SNAPC3: variants seen among roughly 807,000 people sequenced by gnomAD.
The protein encoded by SNAPC3 is snRNA-activating protein complex subunit 3.
Under a neutral mutation model 47.7 loss-of-function variants are expected in SNAPC3, and 56 were observed. That is an observed-to-expected ratio of 1.18 (90% confidence interval 0.95 to 1.47). The LOEUF (loss-of-function observed/expected upper bound fraction) is 1.47, where lower values mean the gene tolerates loss of function less well. Ranked by LOEUF, SNAPC3 falls within the 40% of genes most tolerant of loss-of-function variation. The pLI is 0.00. For missense variants in SNAPC3, 665 were observed against 511.3 expected, an observed-to-expected ratio of 1.30 and a Z score of -2.90; for synonymous variants, 235 against 189.9, an observed-to-expected ratio of 1.24 and a Z score of -1.95.
rs886976260 is a variant in SNAPC3, at chr9:15,442,701, A to G, written c.478-1901A>G. Among the ~76,000 whole-genome samples the G allele has an allele frequency of 5.3e-5, 8 of 151,584 alleles. No individual in the cohort carries two copies. In the East Asian group the frequency reaches 9.8e-4, roughly 19 times the overall value. Reference sequence around the variant, plus strand: ...CACTTCCCAGACTGGGCAGCCAGGCAGAGGGGCTCCTCACATCCCAGACGA... The same window carrying G: ...CACTTCCCAGACTGGGCAGCCAGGCGGAGGGGCTCCTCACATCCCAGACGA... On this transcript the variant is annotated intron_variant, in intron 3 of 8. Coordinates refer to ENST00000380821, the MANE Select transcript of SNAPC3 (RefSeq NM_001039697.2).
intron 7 of SNAPC3, among the ~76,000 whole-genome samples, chr9:15,455,491 C>T (rs942394525): frequency 1.3e-5 from 2 of 151,960 alleles, no homozygotes; most frequent in African/African-American, 2.4e-5. Flanking sequence ...CACTTGAACC[C>T]GGGAAGCGGA....
At chr9:15,447,810 C>CAAT (rs1395043871) in intron 5 of SNAPC3, among the ~76,000 whole-genome samples, 2 of 152,154 alleles carry the variant, frequency 1.3e-5, no homozygotes, top group East Asian at 3.8e-4. Flanking sequence ...GCCCAAGGAC[C>CAAT]AATACCCAAC....
At chr9:15,432,772 T>C (rs2032328982) in intron 2 of SNAPC3, among the ~76,000 whole-genome samples, 2 of 152,152 alleles carry the variant, frequency 1.3e-5, no homozygotes, top group African/African-American at 4.8e-5. Flanking sequence ...TGAATAAATG[T>C]AGAAGAAAGT....
intron 6 of SNAPC3, among the ~76,000 whole-genome samples, chr9:15,452,196 CAAGT>C (rs1262863661): frequency 3.9e-5 from 6 of 152,086 alleles, no homozygotes; most frequent in Non-Finnish European, 8.8e-5. Flanking sequence ...CTCCTGGCCT[CAAGT>C]AAGCCGACTG....
chr9:15,441,221 T>A (rs986306670), intron 3 of SNAPC3, among the ~76,000 whole-genome samples: 9 of 151,574 alleles, frequency 5.9e-5, no homozygotes, highest in South Asian at 4.1e-4. Context: ...ATTATTTTTT[T>A]AATTTCATTT....
intron 3 of SNAPC3, among the ~76,000 whole-genome samples, chr9:15,435,455 C>G (rs111909734): frequency 6.6e-6 from 1 of 152,242 alleles, no homozygotes; most frequent in African/African-American, 2.4e-5. Flanking sequence ...CCCCTGTAAT[C>G]CCAGCTACTC....
chr9:15,451,185 A>G, intron 5 of SNAPC3, 135 bp from the exon 6 acceptor site: 1 of 365,158 alleles, frequency 2.7e-6, no homozygotes, highest in Non-Finnish European at 4.6e-6. Context: ...GCAATAGGGT[A>G]AAATTGAAAA....
At chr9:15,453,491 T>C (rs2034549553) in intron 7 of SNAPC3, 2 of 241,508 alleles carry the variant, frequency 8.3e-6, no homozygotes, top group African/African-American at 4.5e-5. Context: ...TTGTATTAAA[T>C]AGCTGTTATT....
chr9:15,448,942 T>TG (rs2034152732), intron 5 of SNAPC3, among the ~76,000 whole-genome samples: 1 of 152,068 alleles, frequency 6.6e-6, no homozygotes, highest in Non-Finnish European at 1.5e-5. Context: ...CCCAAGTAGC[T>TG]GGGATTACAG....
chr9:15,432,321 A>G (rs2032263531), intron 2 of SNAPC3, among the ~76,000 whole-genome samples: 1 of 152,202 alleles, frequency 6.6e-6, no homozygotes. Flanking sequence ...ATACATACAT[A>G]TATTTCCTGC....
chr9:15,450,044 TA>T, intron 5 of SNAPC3, among the ~76,000 whole-genome samples: 1 of 152,294 alleles, frequency 6.6e-6, no homozygotes, highest in South Asian at 2.1e-4. Flanking sequence ...AAATAATAGT[TA>T]TTTTTTTAGA....
downstream of SNAPC3, chr9:15,465,005 ATTAAC>A (rs1207898705): frequency 4.5e-6 from 1 of 220,172 alleles, no homozygotes; most frequent in Admixed American, 5.8e-5. Flanking sequence ...TGAGATTAAA[ATTAAC>A]TTTTGATAAA....
rs1281877750 is a variant in SNAPC3, at chr9:15,459,945, A to G, written c.*79A>G. On this transcript the variant is annotated 3_prime_UTR_variant, in exon 9 of 9. Coordinates refer to ENST00000380821, the MANE Select transcript of SNAPC3 (RefSeq NM_001039697.2). ...GGTTACCTTATTTCTAAGAAACGCCACTGAGGAACAGGATCCACTTTGAAC... is the reference window on the plus strand; with the variant it reads ...GGTTACCTTATTTCTAAGAAACGCCGCTGAGGAACAGGATCCACTTTGAAC... 4 of 1,319,388 alleles carry G rather than the reference A, an allele frequency of 3.0e-6. No individual in the cohort carries two copies. In the African/African-American group the frequency reaches 5.9e-5, roughly 19 times the overall value. The allele number at this position is 1,319,388 out of a possible 1,614,324, so 81.7% of individuals were successfully genotyped here.
chr9:15,455,723 G>C (rs2034733103), intron 7 of SNAPC3, among the ~76,000 whole-genome samples: 1 of 151,098 alleles, frequency 6.6e-6, no homozygotes, highest in South Asian at 2.1e-4. Context: ...TTTTGAGACG[G>C]AGTTTCGCTC....
chr9:15,428,395 G>C (rs1252903509), intron 2 of SNAPC3, among the ~76,000 whole-genome samples: 3 of 151,706 alleles, frequency 2.0e-5, no homozygotes, highest in Admixed American at 6.6e-5. Flanking sequence ...TGTAGTCCCA[G>C]CTACTTGGGA....
chr9:15,465,356 A>G, downstream of SNAPC3: 1 of 603,764 alleles, frequency 1.7e-6, no homozygotes, highest in Non-Finnish European at 2.9e-6. Flanking sequence ...AAGTACACTT[A>G]GCGATAATGT....
intron 2 of SNAPC3, among the ~76,000 whole-genome samples, chr9:15,427,417 C>G (rs549726997): frequency 6.6e-6 from 1 of 152,240 alleles, no homozygotes; most frequent in Non-Finnish European, 1.5e-5. Flanking sequence ...GGCTCAATCT[C>G]TCCTCACTGC....
At chr9:15,439,108 CAA>C (rs1273013733) in intron 3 of SNAPC3, among the ~76,000 whole-genome samples, 1 of 152,012 alleles carries the variant, frequency 6.6e-6, no homozygotes, top group Non-Finnish European at 1.5e-5. Flanking sequence ...CTCCTGTGCT[CAA>C]GTTATCTTCC....
intron 7 of SNAPC3, among the ~76,000 whole-genome samples, chr9:15,457,557 C>T (rs932262501): frequency 2.6e-5 from 4 of 152,134 alleles, no homozygotes; most frequent in South Asian, 2.1e-4. Context: ...ATCATGCCAC[C>T]GTACTCCAGC....
Sources: gnomAD v4.1 joint callset for allele counts (sites outside exome capture counted in the v4.1 genomes callset) on GRCh38, gnomAD v4.1.1 for gene constraint, MANE v1.5 for transcripts, NCBI Gene and HGNC (gene_info 2026-07-23, HGNC 2026-07-21) for gene names.